POLA2: variants seen among roughly 807,000 people sequenced by gnomAD.
POLA2 encodes DNA polymerase alpha 2, accessory subunit.
POLA2 carries 47 observed loss-of-function variants against 82.8 expected under a neutral mutation model. The observed-to-expected ratio is 0.57, with a 90% CI of 0.45 to 0.72. The LOEUF (loss-of-function observed/expected upper bound fraction) is 0.72. Ranked by LOEUF, POLA2 falls within the 30% of genes least tolerant of loss-of-function variation. The pLI is 0.00. For synonymous variants in POLA2, 287 were observed against 286.8 expected, an observed-to-expected ratio of 1.00 and a Z score of -0.01; for missense variants, 634 against 728.1, an observed-to-expected ratio of 0.87 and a Z score of 1.49.
chr11:65,292,237 GA>G (rs1463725383), intron 13 of POLA2, among the ~76,000 whole-genome samples: 1 of 152,066 alleles, frequency 6.6e-6, no homozygotes, highest in East Asian at 1.9e-4. Flanking sequence ...CTCCATCTCA[GA>G]AAAAGAAAAA....
At chr11:65,281,407 C>T (rs915382458) in intron 8 of POLA2, among the ~76,000 whole-genome samples, 3 of 152,144 alleles carry the variant, frequency 2.0e-5, no homozygotes, top group Non-Finnish European at 4.4e-5. Flanking sequence ...GGTACTTAAC[C>T]ATCTAAACTA....
Position 65,297,497 on chromosome 11 carries a change from C to CTTTTTCACATTG in POLA2, c.*228_*229insTTTTTCACATTG. On this transcript the variant is annotated 3_prime_UTR_variant, in exon 18 of 18. Transcript: ENST00000265465. ...AGCTCTTGCTTCTCAGTCCATGCTC[C>CTTTTTCACATTG]GTGTCCAGAAGTAAGCCAGCTGTGG... 2.4e-6 allele frequency: 1 copy of CTTTTTCACATTG among 410,690 alleles called. No homozygotes were observed. 25.4% of individuals were successfully genotyped at this position (410,690 alleles called of 1,614,324 possible).
chr11:65,277,324 T>G (rs1477720010), intron 5 of POLA2, among the ~76,000 whole-genome samples: 3 of 152,028 alleles, frequency 2.0e-5, no homozygotes, highest in Non-Finnish European at 2.9e-5. Context: ...ACTACAGGTG[T>G]ATGCTACCAA....
At chr11:65,305,446 C>T (rs1949882194) in exon 9 of POLA2, 1 of 454,566 alleles carries the variant, frequency 2.2e-6, no homozygotes, top group South Asian at 1.6e-5. Context: ...AGAAACAGCC[C>T]TGTTGACTGT....
chr11:65,268,338 G>T, intron 3 of POLA2, among the ~76,000 whole-genome samples: 1 of 150,998 alleles, frequency 6.6e-6, no homozygotes, highest in Non-Finnish European at 1.5e-5. Context: ...TTATATGAAA[G>T]TTTATTATTA....
intron 4 of POLA2, among the ~76,000 whole-genome samples, chr11:65,272,020 C>A (rs1949527018): frequency 6.6e-6 from 1 of 151,406 alleles, no homozygotes; most frequent in Non-Finnish European, 1.5e-5. Flanking sequence ...ATAAAATAGT[C>A]AAAGTGTGGC....
chr11:65,287,336 A>C (rs1284725627), intron 10 of POLA2, among the ~76,000 whole-genome samples: 1 of 152,018 alleles, frequency 6.6e-6, no homozygotes, highest in African/African-American at 2.4e-5. Context: ...ATTTCCTAAC[A>C]CTGAGCACAC....
intron 1 of POLA2, 164 bp from the exon 2 acceptor site, chr11:65,266,418 G>C: frequency 1.5e-6 from 1 of 653,924 alleles, no homozygotes; most frequent in Non-Finnish European, 2.6e-6. Context: ...GGTGAGCTTT[G>C]TAAGGACAAG....
chr11:65,274,088 A>C (rs1029860914), intron 4 of POLA2, among the ~76,000 whole-genome samples: 2 of 152,198 alleles, frequency 1.3e-5, no homozygotes, highest in African/African-American at 4.8e-5. Flanking sequence ...AAAAGGATAA[A>C]GACCTGTAAT....
intron 4 of POLA2, among the ~76,000 whole-genome samples, chr11:65,271,838 GAAA>G (rs1213411869): frequency 7.2e-5 from 6 of 83,330 alleles, no homozygotes; most frequent in African/African-American, 2.1e-4. Flanking sequence ...GACTCCGTCT[GAAA>G]AAAAAAAAAA....
At chr11:65,279,662 T>C (rs77476067) in intron 7 of POLA2, 36 bp downstream of exon 7, 1 of 1,414,152 alleles carries the variant, frequency 7.1e-7, no homozygotes, top group Non-Finnish European at 9.9e-7. Flanking sequence ...CTAATTAATA[T>C]TACGTTTTTA....
chr11:65,263,220 CTTTT>C (rs547474910), intron 1 of POLA2, among the ~76,000 whole-genome samples: 22 of 123,202 alleles, frequency 1.8e-4, no homozygotes, highest in African/African-American at 2.6e-4. Flanking sequence ...CTCTCTCTCT[CTTTT>C]TTTTTTTTTT....
rs1477922151 is a variant in POLA2 at position 65,279,566 on chromosome 11, C to T, written c.684C>T (p.Gly228=). The part of the protein sequence containing the change: ...EVLTCKIEEL[G]SELKEHYKIE... The stretch of plus-strand genomic sequence containing the variant: ...TGACCTGTAAGATAGAAGAACTTGG[C>T]AGCGAACTCAAGGAACATTACAAGA... Residue 228 remains glycine, a synonymous_variant, in exon 7 of 18, where the codon GGC becomes GGT. Coordinates refer to ENST00000265465, the MANE Select transcript of POLA2 (RefSeq NM_002689.4). The T allele has an allele frequency of 9.9e-6, 16 of 1,613,012 alleles. No homozygotes were observed. Among genetic ancestry groups the T allele is most frequent in the Non-Finnish European group, 1.3e-5 (15 of 1,179,340 alleles).
At chr11:65,303,571 A>G (rs1949869821), downstream of POLA2, among the ~76,000 whole-genome samples, 1 of 152,046 alleles carries the variant, frequency 6.6e-6, no homozygotes, top group African/African-American at 2.4e-5. Context: ...ACAAATGTTT[A>G]TATGTCGATC....
intron 16 of POLA2, 125 bp downstream of exon 16, chr11:65,295,724 C>A: frequency 7.6e-7 from 1 of 1,311,826 alleles, no homozygotes; most frequent in Non-Finnish European, 1.1e-6. Context: ...TGATGACAAG[C>A]CTGCATTCTG....
chr11:65,295,929 C>T lies in POLA2; in HGVS notation c.1586C>T (p.Ala529Val), dbSNP rs1378074875. The T allele has an allele frequency of 1.9e-6, 3 of 1,614,122 alleles. No individual in the cohort carries two copies. Among genetic ancestry groups the T allele is most frequent in the Non-Finnish European group, 1.7e-6 (2 of 1,179,952 alleles). ...GACTATGAGTCGTTCTATGTTTACG[C>T]ACAGCTGCCTGTCACCCCAGATGTC... ...AIDYESFYVY[A>V]QLPVTPDVLI... Residue 529 changes from alanine to valine, a missense_variant, in exon 17 of 18, where the codon GCA becomes GTA. Transcript: ENST00000265465.
At chr11:65,276,925 G>A (rs943359884) in intron 5 of POLA2, among the ~76,000 whole-genome samples, 7 of 151,838 alleles carry the variant, frequency 4.6e-5, no homozygotes, top group African/African-American at 1.5e-4. Context: ...CGAGTAGCTG[G>A]GTCTACAGGC....
chr11:65,292,677 AC>A (rs1949768021), intron 13 of POLA2, among the ~76,000 whole-genome samples: 2 of 152,068 alleles, frequency 1.3e-5, no homozygotes, highest in African/African-American at 4.8e-5. Flanking sequence ...ATATGCAAAC[AC>A]CTTTGGTCTC....
chr11:65,287,662 C>T (rs1251157781), intron 10 of POLA2, 54 bp from the exon 11 acceptor site: 1 of 1,510,130 alleles, frequency 6.6e-7, no homozygotes, highest in East Asian at 2.3e-5. Context: ...CTTTCTCCTC[C>T]CACCATTCTA....
Sources: allele counts gnomAD v4.1 joint callset (sites outside exome capture counted in the v4.1 genomes callset), GRCh38; gene constraint gnomAD v4.1.1; transcripts MANE v1.5; gene names NCBI Gene and HGNC (gene_info 2026-07-23, HGNC 2026-07-21).